The following CEMIP variants were observed in gnomAD, a reference collection of about 807,000 sequenced individuals.
The protein encoded by CEMIP is cell migration-inducing and hyaluronan-binding protein.
CEMIP carries 105 observed loss-of-function variants against 156.9 expected under a neutral mutation model. The ratio of observed to expected loss-of-function variants is 0.67; its 90% CI spans 0.57 to 0.79. The LOEUF is 0.79. CEMIP is among the 30% of genes least tolerant of loss of function. The probability of loss-of-function intolerance (pLI) is 0.00; values close to 1 mark genes in which losing one functional copy is unlikely to be tolerated. For synonymous variants in CEMIP, 676 were observed against 668.4 expected, an observed-to-expected ratio of 1.01 and a Z score of -0.17; for missense variants, 1,457 against 1,769.4, an observed-to-expected ratio of 0.82 and a Z score of 3.17.
intron 1 of CEMIP, among the ~76,000 whole-genome samples, chr15:80,826,887 C>T (rs1282977041): frequency 1.3e-5 from 2 of 152,190 alleles, no homozygotes; most frequent in Non-Finnish European, 2.9e-5. Context: ...TGAGTTTTCA[C>T]CTTCTGTTTA....
In CEMIP at chr15:80,934,813, G is replaced by C. The variant is rs138041879; in HGVS notation, c.3009+1353G>C. ...CATTTAGCAGGAAGAAGGACCAGAGGAAGACAGGGCAGAGGGCAGGAAGCT... is the reference window on the plus strand; with the variant it reads ...CATTTAGCAGGAAGAAGGACCAGAGCAAGACAGGGCAGAGGGCAGGAAGCT... On this transcript the variant is annotated intron_variant, in intron 23 of 29. Coordinates refer to ENST00000394685, the MANE Select transcript of CEMIP (RefSeq NM_001293298.2). 2.3e-3 allele frequency among the ~76,000 whole-genome samples: 351 copies of C among 152,260 alleles called. 1 individual carries two copies. Among genetic ancestry groups the C allele is most frequent in the Admixed American group, 5.0e-3 (76 of 15,296 alleles).
At chr15:80,927,082 G>A (rs888248419) in intron 19 of CEMIP, among the ~76,000 whole-genome samples, 2 of 152,228 alleles carry the variant, frequency 1.3e-5, no homozygotes, top group Non-Finnish European at 2.9e-5. Context: ...GCCCGCCTTG[G>A]CCTCCCAAAG....
At chr15:80,938,033 C>T in intron 25 of CEMIP, 54 bp downstream of exon 25, 1 of 1,452,752 alleles carries the variant, frequency 6.9e-7, no homozygotes, top group East Asian at 2.4e-5. Flanking sequence ...ATCTTGTCCC[C>T]TTGGCCTTTC....
intron 29 of CEMIP, chr15:80,948,468 G>A: frequency 2.6e-6 from 1 of 390,604 alleles, no homozygotes; most frequent in Non-Finnish European, 4.9e-6. Context: ...TTGTCCTAGG[G>A]GCAGCTCAAA....
At chr15:80,897,056 TC>T (rs1227373236) in intron 12 of CEMIP, among the ~76,000 whole-genome samples, 1 of 152,192 alleles carries the variant, frequency 6.6e-6, no homozygotes, top group East Asian at 1.9e-4. Flanking sequence ...CATTGAAAGT[TC>T]TTCTAAGACT....
chr15:80,948,600 C>A, intron 29 of CEMIP, 197 bp from the exon 30 acceptor site: 2 of 706,208 alleles, frequency 2.8e-6, no homozygotes, highest in Middle Eastern at 3.9e-4. Context: ...TCAGGTGAGA[C>A]CCTGCCTGCC....
intron 7 of CEMIP, 87 bp from the exon 8 acceptor site, chr15:80,887,607 C>A: frequency 2.0e-6 from 2 of 1,009,728 alleles, no homozygotes; most frequent in Non-Finnish European, 3.1e-6. Context: ...CCTGACGCTG[C>A]TTCAACTCTG....
At chr15:80,811,410 C>A (rs1255798419) in intron 1 of CEMIP, among the ~76,000 whole-genome samples, 12 of 152,154 alleles carry the variant, frequency 7.9e-5, no homozygotes, top group Non-Finnish European at 5.9e-5. Flanking sequence ...TCCTGGAGGG[C>A]TGGATCAATG....
intron 1 of CEMIP, among the ~76,000 whole-genome samples, chr15:80,832,322 C>CTGTGTGTGTG (rs58855328): frequency 0.042 from 5,323 of 127,854 alleles, 234 homozygotes; most frequent in African/African-American, 0.07. Context: ...AAAATAAACT[C>CTGTGTGTGTG]TGTGTGTGTG....
At chr15:80,838,309 G>A (rs941082043) in intron 1 of CEMIP, among the ~76,000 whole-genome samples, 1 of 152,058 alleles carries the variant, frequency 6.6e-6, no homozygotes, top group Non-Finnish European at 1.5e-5. Flanking sequence ...GACCCTGCTG[G>A]CCCGTGGGTG....
chr15:80,944,392 T>G (rs114996660), intron 28 of CEMIP, among the ~76,000 whole-genome samples: 3,094 of 152,324 alleles, frequency 0.02, 123 homozygotes, highest in African/African-American at 0.07. Context: ...TGGGGCCATG[T>G]CTAACTTCCC....
At chr15:80,898,654 C>G (rs1899331250) in intron 12 of CEMIP, among the ~76,000 whole-genome samples, 2 of 152,172 alleles carry the variant, frequency 1.3e-5, no homozygotes, top group African/African-American at 4.8e-5. Context: ...TTAAGCGATC[C>G]TCCCTCCTCA....
intron 1 of CEMIP, among the ~76,000 whole-genome samples, chr15:80,807,922 C>T (rs895562226): frequency 1.9e-4 from 29 of 152,168 alleles, no homozygotes; most frequent in African/African-American, 7.0e-4. Flanking sequence ...CCTGTGTGCT[C>T]CTGGACAGGG....
At chr15:80,901,898 C>A (rs1424277906) in intron 12 of CEMIP, among the ~76,000 whole-genome samples, 1 of 152,170 alleles carries the variant, frequency 6.6e-6, no homozygotes, top group Non-Finnish European at 1.5e-5. Flanking sequence ...CAGCTTCATT[C>A]TCCCTCAGTG....
chr15:80,933,199 T>C (rs1336760649), intron 22 of CEMIP, 46 bp from the exon 23 acceptor site: 1 of 1,535,624 alleles, frequency 6.5e-7, no homozygotes, highest in Admixed American at 1.7e-5. Flanking sequence ...GGCTGCAGTT[T>C]CCCTTCACCT....
intron 12 of CEMIP, among the ~76,000 whole-genome samples, chr15:80,898,741 T>C (rs1317475175): frequency 6.6e-6 from 1 of 152,160 alleles, no homozygotes; most frequent in Non-Finnish European, 1.5e-5. Context: ...CATAGGTCTG[T>C]CATAGGCCTG....
At chr15:80,820,356 T>A (rs1346320463) in intron 1 of CEMIP, among the ~76,000 whole-genome samples, 2 of 152,220 alleles carry the variant, frequency 1.3e-5, no homozygotes, top group Non-Finnish European at 2.9e-5. Context: ...TTGGCCTGCA[T>A]AAATTTCTGA....
rs777418156 is a variant in CEMIP, at chr15:80,947,079, C to A, written c.3958+14C>A. On this transcript the variant is annotated intron_variant, in intron 29 of 29. Coordinates refer to ENST00000394685, the MANE Select transcript of CEMIP (RefSeq NM_001293298.2). ...TCAAGTTGAAAGGTAAGGGTTTGAA[C>A]TGGGGTTTAAACTGACCCCAAAACC... 1 of 1,578,698 alleles carries A rather than the reference C, an allele frequency of 6.3e-7. No individual in the cohort carries two copies. The highest frequency in any genetic ancestry group is 8.7e-7 in the Non-Finnish European group (1 of 1,148,150).
At chr15:80,835,422 G>T (rs1010867252) in intron 1 of CEMIP, among the ~76,000 whole-genome samples, 1 of 152,248 alleles carries the variant, frequency 6.6e-6, no homozygotes, top group Non-Finnish European at 1.5e-5. Context: ...CAGGGTAGGA[G>T]CTCAATCAGT....
Sources: gnomAD v4.1 joint callset for allele counts (sites outside exome capture counted in the v4.1 genomes callset) on GRCh38, gnomAD v4.1.1 for gene constraint, MANE v1.5 for transcripts, NCBI Gene and HGNC (gene_info 2026-07-23, HGNC 2026-07-21) for gene names.